ZNF749: variants seen among roughly 807,000 people sequenced by gnomAD.
The protein encoded by ZNF749 is zinc finger protein 749.
ZNF749 carries 8 observed loss-of-function variants against 7.3 expected under a neutral mutation model. That is an observed-to-expected ratio of 1.10 (90% CI 0.64 to 1.98). The LOEUF (loss-of-function observed/expected upper bound fraction) is 1.98. Among genes scored for constraint, ZNF749 ranks in the 30% most tolerant of loss-of-function variants. The pLI, the probability that ZNF749 is intolerant of heterozygous loss-of-function variation, is 0.00. For synonymous variants in ZNF749, 310 were observed against 322.4 expected (o/e 0.96, Z 0.41); for missense variants, 898 against 932.4 (o/e 0.96, Z 0.48).
At position 57,441,938 on chromosome 19, in the gene ZNF749, G is replaced by T. The variant is rs745466197; in HGVS notation, c.69G>T (p.Gly23=). 1.2e-6 allele frequency: 2 copies of T among 1,614,146 alleles called. No individual in the cohort carries two copies. The highest frequency in any genetic ancestry group is 1.7e-6 in the Non-Finnish European group (2 of 1,179,990). ...VAIYFSQEEW[G]ILNDAQRHLH... ...TATATTTCTCCCAAGAGGAATGGGG[G>T]ATCCTTAATGATGCTCAGAGACACC... The change falls in exon 2 of 3, where the codon GGG becomes GGT. Residue 23 remains glycine (G), a synonymous_variant. Coordinates refer to ENST00000334181, the MANE Select transcript of ZNF749 (RefSeq NM_001023561.4).
upstream of ZNF749, among the ~76,000 whole-genome samples, chr19:57,432,590 G>GC (rs1180774312): frequency 1.4e-5 from 2 of 147,002 alleles, no homozygotes; most frequent in African/African-American, 5.0e-5. Flanking sequence ...AAAAAGGTGG[G>GC]GGGGACTAAA....
chr19:57,432,318 A>G (rs553396175), upstream of ZNF749, among the ~76,000 whole-genome samples: 278 of 151,006 alleles, frequency 1.8e-3, 1 homozygote, highest in Non-Finnish European at 3.0e-3. Context: ...GCTCACACCT[A>G]TAATCCTAGC....
chr19:57,443,898 G>C lies in ZNF749; in HGVS notation c.750G>C (p.Arg250Ser), dbSNP rs747658577. 5 of 1,613,868 alleles carry C rather than the reference G, an allele frequency of 3.1e-6. No individual in the cohort carries two copies. Among genetic ancestry groups the C allele is most frequent in the Non-Finnish European group, 4.2e-6 (5 of 1,179,926 alleles). ...ATCAGCAAAATCATGCTGGAGAAAG[G>C]CCTTATGAGGGCACTGAATATGGAA... ...IKYQQNHAGE[R>S]PYEGTEYGKT... Residue 250 changes from arginine to serine, a missense_variant, in exon 3 of 3, where the codon AGG becomes AGC. Arg to Ser is a moderately radical substitution (Grantham distance 110). Coordinates refer to ENST00000334181, the MANE Select transcript of ZNF749 (RefSeq NM_001023561.4).
chr19:57,432,594 G>GGGA (rs1358966634), upstream of ZNF749, among the ~76,000 whole-genome samples: 1 of 142,820 alleles, frequency 7.0e-6, no homozygotes, highest in African/African-American at 2.6e-5. Context: ...AGGTGGGGGG[G>GGGA]ACTAAACAGA....
intron 2 of ZNF749, 117 bp from the exon 3 acceptor site, chr19:57,443,174 T>C: frequency 1.2e-6 from 1 of 868,218 alleles, no homozygotes; most frequent in Non-Finnish European, 1.8e-6. Context: ...CCTTATTTCC[T>C]TGCCTGTGAC....
At chr19:57,435,652 A>G in intron 1 of ZNF749, 59 bp downstream of exon 1, 9 of 1,579,952 alleles carry the variant, frequency 5.7e-6, no homozygotes, top group South Asian at 1.2e-5. Context: ...TGAAGTCCCA[A>G]GGAGCCGCCC....
intron 1 of ZNF749, among the ~76,000 whole-genome samples, chr19:57,441,370 A>G (rs536717396): frequency 7.9e-5 from 12 of 152,208 alleles, no homozygotes; most frequent in Admixed American, 2.6e-4. Flanking sequence ...TGTATCAGTG[A>G]TTGACCCGCT....
intron 2 of ZNF749, 141 bp from the exon 3 acceptor site, chr19:57,443,150 C>G: frequency 1.4e-6 from 1 of 696,026 alleles, no homozygotes; most frequent in Non-Finnish European, 2.4e-6. Context: ...AACACTGGGC[C>G]TTCCTCTCAC....
chr19:57,446,811 A>T lies in ZNF749; in HGVS notation c.*1326A>T, dbSNP rs954121037. ...ATAAACCTTAACAGCATGTTACAGT[A>T]TTGAATATTGTAGGTAATTGAAACA... On this transcript the variant is annotated 3_prime_UTR_variant, in exon 3 of 3. Transcript: ENST00000334181. Among the ~76,000 whole-genome samples, 1 of 152,226 alleles carries T rather than the reference A, an allele frequency of 6.6e-6. No homozygotes were observed. Among genetic ancestry groups the T allele is most frequent in the African/African-American group, 2.4e-5 (1 of 41,458 alleles).
rs2088939166 is a variant in ZNF749, at chr19:57,436,652, A to G, written c.15+1059A>G. Among the ~76,000 whole-genome samples the G allele has an allele frequency of 6.6e-6, 1 of 152,208 alleles. No individual in the cohort carries two copies. Among genetic ancestry groups the G allele is most frequent in the African/African-American group, 2.4e-5 (1 of 41,454 alleles). ...GGGAACAAGATAAGGCCATGCAGCAACTGGGTCCAAAACTGGGCAGGGCTT... is the reference window on the plus strand; with the variant it reads ...GGGAACAAGATAAGGCCATGCAGCAGCTGGGTCCAAAACTGGGCAGGGCTT... On this transcript the variant is annotated intron_variant, in intron 1 of 2. Transcript: ENST00000334181. The surrounding 1 kb of genome is among the most constrained non-coding windows in gnomAD (Gnocchi z 4.0).
At chr19:57,441,745 A>G in intron 1 of ZNF749, 140 bp from the exon 2 acceptor site, 17 of 979,150 alleles carry the variant, frequency 1.7e-5, no homozygotes, top group Non-Finnish European at 2.5e-5. Flanking sequence ...AGCATATGGG[A>G]TCTGGATCGC....
upstream of ZNF749, among the ~76,000 whole-genome samples, chr19:57,432,301 C>T (rs748555220): frequency 1.2e-3 from 181 of 149,188 alleles, 1 homozygote; most frequent in Non-Finnish European, 1.5e-3. Flanking sequence ...GGAGGCGGGG[C>T]GCGGTGGCTC....
intron 1 of ZNF749, among the ~76,000 whole-genome samples, chr19:57,437,006 AG>A (rs1028598079): frequency 2.0e-5 from 3 of 152,284 alleles, no homozygotes; most frequent in Admixed American, 1.3e-4. Flanking sequence ...TTTTTTTTTA[AG>A]GAAAAAAGAA....
upstream of ZNF749, among the ~76,000 whole-genome samples, chr19:57,432,752 T>C (rs11669412): frequency 7.9e-3 from 1,200 of 152,214 alleles, 7 homozygotes; most frequent in Non-Finnish European, 0.014. Context: ...CTATGGCCCA[T>C]GGTGATGAAC....
Position 57,444,536 on chromosome 19 carries a change from C to T in ZNF749, c.1388C>T (p.Ala463Val). The change falls in exon 3 of 3, where the codon GCA becomes GTA. Residue 463 changes from alanine to valine, a missense_variant. Coordinates refer to ENST00000334181, the MANE Select transcript of ZNF749 (RefSeq NM_001023561.4). ...LVQHQKIHTDAFSKRSDLIQH... is the reference protein window; with the variant it reads ...LVQHQKIHTDVFSKRSDLIQH... ...CAGCACCAGAAAATCCACACTGATG[C>T]ATTTTCAAAAAGGTCTGACCTCATT... The T allele has an allele frequency of 1.2e-6, 2 of 1,613,790 alleles. No homozygotes were observed. The highest frequency in any genetic ancestry group is 2.2e-5 in the South Asian group (2 of 91,062).
chr19:57,432,069 G>A (rs2088901399), upstream of ZNF749, among the ~76,000 whole-genome samples: 2 of 151,842 alleles, frequency 1.3e-5, no homozygotes, highest in South Asian at 4.2e-4. Context: ...CGGACCTCAG[G>A]TGATCTGCCT....
At position 57,444,319 on chromosome 19, in the gene ZNF749, T is replaced by C. The variant is rs775479559; in HGVS notation, c.1171T>C (p.Phe391Leu). ...TGAATGCAGCATATGTGGAAAATTC[T>C]TTAGTCACCGCTCCACACTCAATAT... is the stretch of plus-strand genomic sequence containing the variant. ...PFECSICGKF[F>L]SHRSTLNMHQ... Residue 391 changes from phenylalanine to leucine, a missense_variant, in exon 3 of 3, where the codon TTT (phenylalanine) becomes CTT (leucine). By Grantham distance (22) the Phe-to-Leu change is conservative. Transcript: ENST00000334181. The C allele has an allele frequency of 2.6e-5, 42 of 1,614,044 alleles. No homozygotes were observed. Among genetic ancestry groups the C allele is most frequent in the Non-Finnish European group, 3.5e-5 (41 of 1,180,008 alleles).
Position 57,445,282 on chromosome 19 carries a change from A to C in ZNF749, c.2134A>C (p.Ile712Leu), listed in dbSNP as rs756989900. The part of the protein sequence containing the change: ...RELFRTKSSL[I>L]IHQQSHTGES... ...ATTGTTTAGGACTAAATCGAGCCTTATTATACATCAGCAGTCTCACACTGG... is the reference window on the plus strand; with the variant it reads ...ATTGTTTAGGACTAAATCGAGCCTTCTTATACATCAGCAGTCTCACACTGG... Residue 712 changes from isoleucine to leucine, a missense_variant, in exon 3 of 3, where the codon ATT (isoleucine) becomes CTT (leucine). Coordinates refer to ENST00000334181, the MANE Select transcript of ZNF749 (RefSeq NM_001023561.4). The C allele has an allele frequency of 1.2e-6, 2 of 1,613,730 alleles. No individual in the cohort carries two copies.
In ZNF749 at chr19:57,445,249, T is replaced by C. The variant is rs377177925; in HGVS notation, c.2101T>C (p.Cys701Arg). 26 of 1,613,986 alleles carry C rather than the reference T, an allele frequency of 1.6e-5. No homozygotes were observed. The African/African-American group carries it at 2.9e-4, about 18-fold the overall frequency. ...TGEKPHECSK[C>R]RELFRTKSSL... ...GGAGAAGCCTCATGAGTGCAGTAAA[T>C]GTAGGGAATTGTTTAGGACTAAATC... Residue 701 changes from cysteine to arginine, a missense_variant, in exon 3 of 3, where the codon TGT becomes CGT. Coordinates refer to ENST00000334181, the MANE Select transcript of ZNF749 (RefSeq NM_001023561.4).
Sources: gnomAD v4.1 joint callset for allele counts (sites outside exome capture counted in the v4.1 genomes callset) on GRCh38, gnomAD v4.1.1 for gene constraint, Gnocchi (gnomAD v3.1) non-coding constraint, MANE v1.5 for transcripts, NCBI Gene and HGNC (gene_info 2026-07-23, HGNC 2026-07-21) for gene names.